SNX2: variants seen among roughly 807,000 people sequenced by gnomAD.
The protein encoded by SNX2 is sorting nexin-2.
In SNX2, 25 loss-of-function variants were observed where a neutral mutation model predicts 69.9. That is an observed-to-expected ratio of 0.36 (90% CI 0.26 to 0.50). The LOEUF is 0.50. Among genes scored for constraint, SNX2 ranks in the 20% least tolerant of loss-of-function variants. The pLI, the probability that SNX2 is intolerant of heterozygous loss-of-function variation, is 0.97. For missense variants in SNX2, 551 were observed against 613.3 expected (o/e 0.90, Z 1.07); for synonymous variants, 229 against 200.4 (o/e 1.14, Z -1.20).
At chr5:122,790,410 C>T (rs191891889) in intron 1 of SNX2, among the ~76,000 whole-genome samples, 33 of 152,084 alleles carry the variant, frequency 2.2e-4, no homozygotes, top group Admixed American at 8.5e-4. Context: ...CGTGAGCCAC[C>T]GTGCCTGGCC....
At position 122,801,886 on chromosome 5, in the gene SNX2, T is replaced by C. The variant is rs1561456733; in HGVS notation, c.408T>C (p.Asn136=). 3.1e-6 allele frequency: 5 copies of C among 1,598,484 alleles called. No individual in the cohort carries two copies. The highest frequency in any genetic ancestry group is 4.3e-6 in the Non-Finnish European group (5 of 1,168,864). ...RSREEIEEEA[N]GDIFDIEIGV... ...CTTTCTAGATTGAAGAAGAAGCAAATGGAGACATTTTTGACATAGAAATTG... is the reference window on the plus strand; with the variant it reads ...CTTTCTAGATTGAAGAAGAAGCAAACGGAGACATTTTTGACATAGAAATTG... Residue 136 remains asparagine (N), a synonymous_variant, in exon 4 of 15, where the codon AAT becomes AAC. Coordinates refer to ENST00000379516, the MANE Select transcript of SNX2 (RefSeq NM_003100.4).
chr5:122,791,562 A>C (rs1027013385), intron 1 of SNX2, among the ~76,000 whole-genome samples: 1 of 151,482 alleles, frequency 6.6e-6, no homozygotes, highest in African/African-American at 2.4e-5. Context: ...GATTATAGGC[A>C]TGGGCCACTG....
At chr5:122,779,338 C>G (rs1451714455) in intron 1 of SNX2, among the ~76,000 whole-genome samples, 1 of 152,142 alleles carries the variant, frequency 6.6e-6, no homozygotes, top group Non-Finnish European at 1.5e-5. Flanking sequence ...CCCCTCTGCC[C>G]TCAACTGTAA....
At chr5:122,779,165 T>C (rs932013615) in intron 1 of SNX2, among the ~76,000 whole-genome samples, 1 of 152,238 alleles carries the variant, frequency 6.6e-6, no homozygotes, top group Non-Finnish European at 1.5e-5. Context: ...TGTTGAGATA[T>C]GATTTATATA....
chr5:122,799,499 A>C (rs1561454717), intron 2 of SNX2, among the ~76,000 whole-genome samples, 193 bp from the exon 3 acceptor site: 1 of 152,180 alleles, frequency 6.6e-6, no homozygotes, highest in Non-Finnish European at 1.5e-5. Flanking sequence ...AAAATCAACA[A>C]AGTTACAGTT....
intron 1 of SNX2, among the ~76,000 whole-genome samples, chr5:122,788,105 C>T (rs1426903073): frequency 1.3e-5 from 2 of 152,116 alleles, no homozygotes; most frequent in Admixed American, 6.5e-5. Context: ...ATTTGTACTT[C>T]ATCTGAAAAC....
At chr5:122,786,142 A>G (rs1753082435) in intron 1 of SNX2, among the ~76,000 whole-genome samples, 1 of 152,038 alleles carries the variant, frequency 6.6e-6, no homozygotes. Flanking sequence ...AATATTTCTT[A>G]TTCTGAAGTT....
chr5:122,788,650 C>T (rs1490142541), intron 1 of SNX2, among the ~76,000 whole-genome samples: 2 of 152,148 alleles, frequency 1.3e-5, no homozygotes. Context: ...AATAACAACC[C>T]ATTATTCTCT....
At chr5:122,785,927 A>G in intron 1 of SNX2, among the ~76,000 whole-genome samples, 1 of 152,112 alleles carries the variant, frequency 6.6e-6, no homozygotes, top group Middle Eastern at 3.2e-3. Context: ...CCTGTTACCT[A>G]TTTACTTGTT....
rs889977997 is a variant in SNX2, at chr5:122,832,155, C to G, written c.*2507C>G. Reference sequence around the variant, plus strand: ...CTTAATGAGATCAAAAGTTAAAGACCAAGGCAGCAAAATATTGTGAAACAA... The same window carrying G: ...CTTAATGAGATCAAAAGTTAAAGACGAAGGCAGCAAAATATTGTGAAACAA... On this transcript the variant is annotated 3_prime_UTR_variant, in exon 15 of 15. Coordinates refer to ENST00000379516, the MANE Select transcript of SNX2 (RefSeq NM_003100.4). Among the ~76,000 whole-genome samples, 2 of 152,086 alleles carry G rather than the reference C, an allele frequency of 1.3e-5. No homozygotes were observed. Among genetic ancestry groups the G allele is most frequent in the Admixed American group, 1.3e-4 (2 of 15,272 alleles).
intron 7 of SNX2, among the ~76,000 whole-genome samples, chr5:122,814,114 G>T (rs1753845205): frequency 6.6e-6 from 1 of 152,078 alleles, no homozygotes; most frequent in African/African-American, 2.4e-5. Flanking sequence ...TTGGGTTTTT[G>T]TTTGTTTTTT....
At position 122,832,542 on chromosome 5, in the gene SNX2, C is replaced by A. The variant is rs1384533007; in HGVS notation, c.*2894C>A. ...TTGTTGCTACTCCTTAAACTTTTTTCTTTATTATCTAGATCTAGTAAAGTT... is the reference window on the plus strand; with the variant it reads ...TTGTTGCTACTCCTTAAACTTTTTTATTTATTATCTAGATCTAGTAAAGTT... On this transcript the variant is annotated 3_prime_UTR_variant, in exon 15 of 15. Transcript: ENST00000379516. 6.6e-6 allele frequency: 1 copy of A among 151,784 alleles called. No homozygotes were observed. Among genetic ancestry groups the A allele is most frequent in the Non-Finnish European group, 1.5e-5 (1 of 67,956 alleles). The allele number at this position is 151,784 out of a possible 1,614,324, so 9.4% of individuals were successfully genotyped here. A position where few individuals can be genotyped will look rare whatever the true frequency, so the allele number is the denominator to read the frequency against.
intron 6 of SNX2, among the ~76,000 whole-genome samples, chr5:122,805,873 C>A (rs894911076): frequency 2.6e-5 from 4 of 151,974 alleles, no homozygotes; most frequent in Admixed American, 2.0e-4. Context: ...CTCTGTCTCC[C>A]GGGTTCATGC....
At chr5:122,827,864 G>A (rs1754190555) in intron 14 of SNX2, 1 of 448,190 alleles carries the variant, frequency 2.2e-6, no homozygotes, top group Admixed American at 3.9e-5. Context: ...GGCAGAGATA[G>A]ACTTTTCCCA....
At chr5:122,819,554 T>C (rs542786560) in intron 11 of SNX2, among the ~76,000 whole-genome samples, 2 of 152,356 alleles carry the variant, frequency 1.3e-5, no homozygotes, top group Admixed American at 6.5e-5. Context: ...GTAATACTTA[T>C]ATAATAGTCC....
At chr5:122,783,273 G>A (rs747791170) in intron 1 of SNX2, among the ~76,000 whole-genome samples, 11 of 152,020 alleles carry the variant, frequency 7.2e-5, no homozygotes, top group African/African-American at 1.9e-4. Context: ...TTGATTAACC[G>A]TATCTTTCTC....
Position 122,831,009 on chromosome 5 carries a change from C to CAAAAAAAAAAAAAAAAAAAA in SNX2, c.*1366_*1385dup, listed in dbSNP as rs58159922. On this transcript the variant is annotated 3_prime_UTR_variant, in exon 15 of 15. Coordinates refer to ENST00000379516, the MANE Select transcript of SNX2 (RefSeq NM_003100.4). ...AGGCAACAAAAGCAAAACTCCATCT[C>CAAAAAAAAAAAAAAAAAAAA]AAAAAAAAAAAAAAAAAAAAAAAAG... 1.6e-5 allele frequency among the ~76,000 whole-genome samples: 1 copy of CAAAAAAAAAAAAAAAAAAAA among 63,006 alleles called. No individual in the cohort carries two copies. The highest frequency in any genetic ancestry group is 2.9e-5 in the Non-Finnish European group (1 of 33,920). The allele number at this position is 63,006 out of a possible 152,430, so 41.3% of individuals were successfully genotyped here. A position where few individuals can be genotyped will look rare whatever the true frequency, so the allele number is the denominator to read the frequency against.
rs1334869766 is a variant in SNX2 at position 122,795,292 on chromosome 5, T to C, written c.135T>C (p.Ala45=). 7 of 1,613,204 alleles carry C rather than the reference T, an allele frequency of 4.3e-6. No individual in the cohort carries two copies. Among genetic ancestry groups the C allele is most frequent in the Non-Finnish European group, 5.9e-6 (7 of 1,179,362 alleles). Residue 45 remains alanine, a synonymous_variant, in exon 2 of 15, where the codon GCT becomes GCC. Transcript: ENST00000379516. ...LESSPSSPEP[A]SLPAEDISAN... ...CAAGTCCATCATCTCCAGAACCAGC[T>C]AGTCTTCCTGCAGAAGATATTAGTG... is the stretch of plus-strand genomic sequence containing the variant.
chr5:122,793,928 AAAAG>A (rs891607348), intron 1 of SNX2, among the ~76,000 whole-genome samples: 4 of 151,740 alleles, frequency 2.6e-5, no homozygotes, highest in African/African-American at 9.7e-5. Flanking sequence ...AAAAAAAAAA[AAAAG>A]ACCTGGTTTT....
Sources: allele counts gnomAD v4.1 joint callset (sites outside exome capture counted in the v4.1 genomes callset), GRCh38; gene constraint gnomAD v4.1.1; transcripts MANE v1.5; gene names NCBI Gene and HGNC (gene_info 2026-07-23, HGNC 2026-07-21).